The following ABCA10 variants were observed in gnomAD, a reference collection of about 807,000 sequenced individuals.
ABCA10 encodes the protein ATP-binding cassette sub-family A member 10.
A neutral mutation model predicts 187.5 loss-of-function variants in ABCA10; 169 were observed. That is an observed-to-expected ratio of 0.90 (90% confidence interval 0.80 to 1.02). The LOEUF is 1.02. Among genes scored for constraint, ABCA10 ranks in the 50% least tolerant of loss-of-function variants. ABCA10 has a pLI of 0.00. For synonymous variants in ABCA10, 574 were observed against 601.8 expected (o/e 0.95, Z 0.68); for missense variants, 1,727 against 1,812.4 (o/e 0.95, Z 0.86).
At chr17:69,198,751 C>T (rs2074523299) in intron 10 of ABCA10, among the ~76,000 whole-genome samples, 1 of 152,176 alleles carries the variant, frequency 6.6e-6, no homozygotes, top group African/African-American at 2.4e-5. Flanking sequence ...TTTCCAGCAA[C>T]TCACTTTTCC....
chr17:69,182,753 T>C lies in ABCA10; in HGVS notation c.2553A>G (p.Glu851=). The C allele has an allele frequency of 6.2e-7, 1 of 1,612,744 alleles. No homozygotes were observed. The highest frequency in any genetic ancestry group is 8.5e-7 in the Non-Finnish European group (1 of 1,179,262). ...CATTTCTGTTTCTAAAGTCATCTATTTCCAAAACTATATCCTGACACTTCA... is the reference window on the plus strand; with the variant it reads ...CATTTCTGTTTCTAAAGTCATCTATCTCCAAAACTATATCCTGACACTTCA... The part of the protein sequence containing the change: ...HSLKCQDIVL[E]IDDFRNRNGS... The change falls in exon 21 of 39, where the codon GAA becomes GAG. Residue 851 remains glutamate, a synonymous_variant. Transcript: ENST00000690296.
At chr17:69,164,203 A>G (rs1157532198) in intron 26 of ABCA10, 49 bp from the exon 27 acceptor site, 1 of 1,470,680 alleles carries the variant, frequency 6.8e-7, no homozygotes, top group East Asian at 2.4e-5. Flanking sequence ...CTATAAATAT[A>G]AAATTTACAC....
intron 10 of ABCA10, among the ~76,000 whole-genome samples, chr17:69,200,039 T>G (rs1267105211): frequency 2.0e-5 from 3 of 152,222 alleles, no homozygotes; most frequent in Admixed American, 2.0e-4. Context: ...TATTAGGTTA[T>G]AGTATTCTCC....
At position 69,228,606 on chromosome 17, in the gene ABCA10, T is replaced by C. The variant is rs979201259; in HGVS notation, c.-338A>G. ...AGTTAAGAAAATAAGAGAGAAGTAT[T>C]TGAAGCACTTGGATCCACTGGTCTC... On this transcript the variant is annotated 5_prime_UTR_variant, in exon 1 of 39. Coordinates refer to ENST00000690296, the MANE Select transcript of ABCA10 (RefSeq NM_001377321.1). 6.6e-6 allele frequency: 1 copy of C among 151,994 alleles called. No individual in the cohort carries two copies. The highest frequency in any genetic ancestry group is 2.4e-5 in the African/African-American group (1 of 41,422). The allele number at this position is 151,994 out of a possible 1,614,324, so 9.4% of individuals were successfully genotyped here.
intron 13 of ABCA10, 49 bp from the exon 14 acceptor site, chr17:69,193,661 G>C (rs771299468): frequency 1.3e-6 from 2 of 1,554,100 alleles, no homozygotes; most frequent in South Asian, 2.4e-5. Flanking sequence ...TTACTTTAAG[G>C]AGTTTTTACT....
At chr17:69,154,045 T>C in intron 31 of ABCA10, 36 bp from the exon 32 acceptor site, 1 of 1,596,364 alleles carries the variant, frequency 6.3e-7, no homozygotes, top group Non-Finnish European at 8.5e-7. Flanking sequence ...TCACCTTTGG[T>C]TTTTGCTCCA....
chr17:69,205,600 C>T (rs1309118192), intron 9 of ABCA10, among the ~76,000 whole-genome samples: 1 of 152,196 alleles, frequency 6.6e-6, no homozygotes, highest in African/African-American at 2.4e-5. Flanking sequence ...TAAGTGTGTT[C>T]TTGGCCAGTC....
intron 6 of ABCA10, 53 bp downstream of exon 6, chr17:69,219,492 A>G (rs897622980): frequency 1.2e-5 from 15 of 1,288,832 alleles, no homozygotes; most frequent in Non-Finnish European, 1.6e-5. Flanking sequence ...GAACCTAGTT[A>G]GTTTCTCTAA....
intron 10 of ABCA10, among the ~76,000 whole-genome samples, chr17:69,198,199 T>C (rs908089189): frequency 6.6e-6 from 1 of 152,226 alleles, no homozygotes; most frequent in African/African-American, 2.4e-5. Flanking sequence ...ATCTCTTTAC[T>C]ACTTTTCTTG....
At chr17:69,221,929 T>C (rs375136928) in intron 4 of ABCA10, 34 bp from the exon 5 acceptor site, 729 of 1,470,440 alleles carry the variant, frequency 5.0e-4, no homozygotes, top group Non-Finnish European at 6.4e-4. Flanking sequence ...TCCATAGTTA[T>C]ATAATGGAGT....
chr17:69,161,103 C>T (rs2074214252), intron 27 of ABCA10, among the ~76,000 whole-genome samples: 1 of 152,014 alleles, frequency 6.6e-6, no homozygotes, highest in Non-Finnish European at 1.5e-5. Flanking sequence ...ACATATGTCT[C>T]AACATGGATA....
At chr17:69,224,101 A>G (rs1232338738) in intron 3 of ABCA10, among the ~76,000 whole-genome samples, 1 of 152,178 alleles carries the variant, frequency 6.6e-6, no homozygotes, top group East Asian at 1.9e-4. Context: ...AGCTCCAGAA[A>G]CTGCAATGAA....
intron 4 of ABCA10, 97 bp from the exon 5 acceptor site, chr17:69,221,992 T>C: frequency 2.3e-6 from 2 of 881,226 alleles, no homozygotes; most frequent in Non-Finnish European, 3.4e-6. Flanking sequence ...AATATCTAAA[T>C]GTTAGCTCAA....
rs748904094 is a variant in ABCA10, at chr17:69,153,883, A to T, written c.3913T>A (p.Tyr1305Asn). The change falls in exon 32 of 39, where the codon TAT (tyrosine) becomes AAT (asparagine). Residue 1305 changes from tyrosine (Y) to asparagine (N), a missense_variant. Transcript: ENST00000690296. ...TTGCCCAGTCCTTTCACAGCTGCAT[A>T]CAACTCCAAGTGCTCTTTCATTGTA... Reference protein sequence around the residue: ...KLTMKEHLELYAAVKGLGKED... With the variant: ...KLTMKEHLELNAAVKGLGKED... 1.2e-6 allele frequency: 2 copies of T among 1,614,008 alleles called. No homozygotes were observed. The highest frequency in any genetic ancestry group is 2.7e-5 in the African/African-American group (2 of 74,926).
chr17:69,241,476 C>T (rs750435341), intron 1 of ABCA10, among the ~76,000 whole-genome samples: 3 of 152,194 alleles, frequency 2.0e-5, no homozygotes, highest in African/African-American at 2.4e-5. Flanking sequence ...CCTCCAATGA[C>T]TTCTGATCTC....
At chr17:69,198,970 T>A (rs2074524716) in intron 10 of ABCA10, among the ~76,000 whole-genome samples, 1 of 152,216 alleles carries the variant, frequency 6.6e-6, no homozygotes, top group African/African-American at 2.4e-5. Context: ...CATGATCAGA[T>A]TTGGTGCCTA....
At chr17:69,227,522 T>C (rs1233924426) in intron 1 of ABCA10, among the ~76,000 whole-genome samples, 2 of 151,936 alleles carry the variant, frequency 1.3e-5, no homozygotes, top group Non-Finnish European at 2.9e-5. Context: ...ATAAGACCTT[T>C]CTCCTTTTGT....
In ABCA10 at chr17:69,193,292, G is replaced by A. The variant is rs762184503; in HGVS notation, c.1642-44C>T. The A allele has an allele frequency of 1.0e-5, 16 of 1,596,014 alleles. No homozygotes were observed. The East Asian group carries it at 3.3e-4, about 33-fold the overall frequency. On this transcript the variant is annotated intron_variant, in intron 14 of 38. Transcript: ENST00000690296. ...ATGAAAGCATCTTCCTCTTCACAGT[G>A]AGGATCTTCAGAAAGCACCATGAAA...
intron 3 of ABCA10, 71 bp from the exon 4 acceptor site, chr17:69,222,768 A>G: frequency 7.4e-7 from 1 of 1,356,636 alleles, no homozygotes; most frequent in Non-Finnish European, 9.8e-7. Flanking sequence ...AACAAAATAC[A>G]GTTGCTTGTT....
Sources: gnomAD v4.1 joint callset for allele counts (sites outside exome capture counted in the v4.1 genomes callset) on GRCh38, gnomAD v4.1.1 for gene constraint, MANE v1.5 for transcripts, NCBI Gene and HGNC (gene_info 2026-07-23, HGNC 2026-07-21) for gene names.